CCSER2: variants seen among roughly 807,000 people sequenced by gnomAD.
CCSER2 encodes serine-rich coiled-coil domain-containing protein 2.
In CCSER2, 46 loss-of-function variants were observed where a neutral mutation model predicts 92.3. The ratio of observed to expected loss-of-function variants is 0.50; its 90% CI spans 0.39 to 0.64. The LOEUF (loss-of-function observed/expected upper bound fraction) is 0.64. CCSER2 is among the 30% of genes least tolerant of loss of function. CCSER2 has a pLI of 0.00. For synonymous variants in CCSER2, 433 were observed against 431.4 expected (o/e 1.00, Z -0.04); for missense variants, 1,244 against 1,238.9 (o/e 1.00, Z -0.06).
intron 3 of CCSER2, chr10:84,391,129 A>G (rs1483571702): frequency 2.6e-6 from 2 of 783,000 alleles, no homozygotes; most frequent in African/African-American, 1.7e-5. Context: ...TGGTGAAGAT[A>G]AGGATCTCTT....
At chr10:84,421,468 T>C (rs529775127) in intron 4 of CCSER2, among the ~76,000 whole-genome samples, 1 of 152,220 alleles carries the variant, frequency 6.6e-6, no homozygotes, top group South Asian at 2.1e-4. Context: ...AGAGAAGTGC[T>C]GAGCAAAGGG....
chr10:84,462,440 G>A (rs1481459410), intron 6 of CCSER2, among the ~76,000 whole-genome samples: 1 of 152,152 alleles, frequency 6.6e-6, no homozygotes, highest in Non-Finnish European at 1.5e-5. Flanking sequence ...TTTACAGTCT[G>A]TCTCTCTTCT....
intron 1 of CCSER2, among the ~76,000 whole-genome samples, chr10:84,346,707 A>G (rs966996970): frequency 5.3e-5 from 8 of 151,558 alleles, no homozygotes; most frequent in Non-Finnish European, 1.0e-4. Context: ...ATGCTACTTC[A>G]TGGGAGATGG....
At chr10:84,373,518 C>T (rs2133179202) in intron 2 of CCSER2, 101 bp from the exon 3 acceptor site, 4 of 896,062 alleles carry the variant, frequency 4.5e-6, no homozygotes, top group Non-Finnish European at 6.7e-6. Flanking sequence ...TTTTTTGAGC[C>T]AGCTTTTTTG....
At chr10:84,391,568 G>C in intron 3 of CCSER2, 1 of 1,499,044 alleles carries the variant, frequency 6.7e-7, no homozygotes, top group Non-Finnish European at 9.3e-7. Flanking sequence ...CACATAGGCA[G>C]TTGGAGAAAT....
intron 3 of CCSER2, among the ~76,000 whole-genome samples, chr10:84,405,103 A>ATAC (rs1842312796): frequency 6.6e-6 from 1 of 152,180 alleles, no homozygotes; most frequent in Non-Finnish European, 1.5e-5. Flanking sequence ...GGACACTGTA[A>ATAC]CATTGACAAA....
chr10:84,457,936 G>T (rs1482029587), intron 6 of CCSER2, among the ~76,000 whole-genome samples: 1 of 151,404 alleles, frequency 6.6e-6, no homozygotes, highest in Non-Finnish European at 1.5e-5. Flanking sequence ...CGTAGAGATG[G>T]GGTTTTACCA....
intron 1 of CCSER2, among the ~76,000 whole-genome samples, chr10:84,358,199 T>C (rs1845294465): frequency 6.6e-6 from 1 of 152,196 alleles, no homozygotes; most frequent in South Asian, 2.1e-4. Context: ...AGCCAGATGG[T>C]GACTTAAGTT....
chr10:84,450,025 T>C (rs1226601726), intron 6 of CCSER2, among the ~76,000 whole-genome samples: 2 of 152,246 alleles, frequency 1.3e-5, no homozygotes, highest in African/African-American at 2.4e-5. Flanking sequence ...CAGTTAATAA[T>C]AGCAACAACA....
intron 6 of CCSER2, among the ~76,000 whole-genome samples, chr10:84,451,081 G>C (rs1589699798): frequency 6.6e-6 from 1 of 152,104 alleles, no homozygotes; most frequent in East Asian, 1.9e-4. Context: ...GATAAGATTT[G>C]TGTACATTGA....
rs749089028 is a variant in CCSER2 at position 84,513,513 on chromosome 10, T to C, written c.2390T>C (p.Ile797Thr). 3 of 1,614,066 alleles carry C rather than the reference T, an allele frequency of 1.9e-6. No homozygotes were observed. Among genetic ancestry groups the C allele is most frequent in the Admixed American group, 1.7e-5 (1 of 59,992 alleles). The change falls in exon 10 of 10, where the codon ATA becomes ACA. Residue 797 changes from isoleucine to threonine, a missense_variant. Ile to Thr is a moderately conservative substitution (Grantham distance 89). Coordinates refer to ENST00000372088, the MANE Select transcript of CCSER2 (RefSeq NM_001284240.2). ...RPTDHTQGKL[I>T]KPQRIEARSE... ...ACAGATCACACCCAGGGAAAACTAATAAAGCCACAACGTATCGAGGCCCGC... is the reference window on the plus strand; with the variant it reads ...ACAGATCACACCCAGGGAAAACTAACAAAGCCACAACGTATCGAGGCCCGC...
intron 1 of CCSER2, among the ~76,000 whole-genome samples, chr10:84,346,593 AT>A (rs1200098773): frequency 6.6e-6 from 1 of 151,948 alleles, no homozygotes; most frequent in African/African-American, 2.4e-5. Context: ...AATTTGGTAG[AT>A]TTATTGCTAT....
chr10:84,366,190 C>T (rs990496440), intron 1 of CCSER2, among the ~76,000 whole-genome samples: 6 of 152,116 alleles, frequency 3.9e-5, no homozygotes, highest in Non-Finnish European at 7.4e-5. Flanking sequence ...GCGATCCTTT[C>T]GCCTCAGCTT....
rs1297030674 is a variant in CCSER2 at position 84,333,224 on chromosome 10, G to A, written c.-40+4416G>A. On this transcript the variant is annotated intron_variant, in intron 1 of 9. Coordinates refer to ENST00000372088, the MANE Select transcript of CCSER2 (RefSeq NM_001284240.2). ...CTAATCATTCTAAAATATATGAAAG[G>A]AAACCTTAGTAATCTGCTCCCACTG... is the stretch of plus-strand genomic sequence containing the variant. 3.3e-5 allele frequency among the ~76,000 whole-genome samples: 5 copies of A among 152,164 alleles called. No homozygotes were observed. In the East Asian group the frequency reaches 9.7e-4, roughly 29 times the overall value.
chr10:84,448,345 T>A (rs1845058072), intron 6 of CCSER2, among the ~76,000 whole-genome samples: 1 of 152,098 alleles, frequency 6.6e-6, no homozygotes, highest in Non-Finnish European at 1.5e-5. Flanking sequence ...TCCACTTAAG[T>A]TTGACTCTAA....
At chr10:84,480,392 G>A (rs1245769708) in intron 9 of CCSER2, among the ~76,000 whole-genome samples, 3 of 152,142 alleles carry the variant, frequency 2.0e-5, no homozygotes. Flanking sequence ...CAGTAAGAGT[G>A]TAATAAGAAA....
At chr10:84,390,881 C>T in intron 3 of CCSER2, 1 of 671,564 alleles carries the variant, frequency 1.5e-6, no homozygotes, top group Non-Finnish European at 2.8e-6. Flanking sequence ...TATTCTAAGA[C>T]CTTAACATGT....
At chr10:84,422,439 A>G (rs1164503204) in intron 4 of CCSER2, among the ~76,000 whole-genome samples, 2 of 152,136 alleles carry the variant, frequency 1.3e-5, no homozygotes, top group Admixed American at 1.3e-4. Context: ...TAAAACAGAA[A>G]ATTTGGTGCT....
chr10:84,351,898 T>C (rs1421336489), intron 1 of CCSER2, among the ~76,000 whole-genome samples: 1 of 152,116 alleles, frequency 6.6e-6, no homozygotes, highest in African/African-American at 2.4e-5. Context: ...GATATATGTA[T>C]TGGGTAAGGG....
Sources: gnomAD v4.1 joint callset for allele counts (sites outside exome capture counted in the v4.1 genomes callset) on GRCh38, gnomAD v4.1.1 for gene constraint, MANE v1.5 for transcripts, NCBI Gene and HGNC (gene_info 2026-07-23, HGNC 2026-07-21) for gene names.